The following NAT10 variants were observed in gnomAD, a reference collection of about 807,000 sequenced individuals.
NAT10 encodes the protein RNA cytidine acetyltransferase.
NAT10 carries 109 observed loss-of-function variants against 132.2 expected under a neutral mutation model. The observed-to-expected ratio is 0.82, with a 90% CI of 0.71 to 0.97. The LOEUF (loss-of-function observed/expected upper bound fraction) is 0.97, where lower values mean the gene tolerates loss of function less well. Ranked by LOEUF, NAT10 falls within the 50% of genes least tolerant of loss-of-function variation. The pLI is 0.00. For missense variants in NAT10, 1,184 were observed against 1,263.4 expected (o/e 0.94, Z 0.95); for synonymous variants, 479 against 478.0 (o/e 1.00, Z -0.03).
intron 27 of NAT10, 73 bp downstream of exon 27, chr11:34,142,421 A>G: frequency 7.5e-7 from 1 of 1,328,738 alleles, no homozygotes; most frequent in Non-Finnish European, 1.1e-6. Context: ...CGTTTCTTCT[A>G]ATCATATCCC....
chr11:34,115,860 A>C lies in NAT10; in HGVS notation c.533A>C (p.Asp178Ala). 1 of 1,614,082 alleles carries C rather than the reference A, an allele frequency of 6.2e-7. No individual in the cohort carries two copies. The highest frequency in any genetic ancestry group is 8.5e-7 in the Non-Finnish European group (1 of 1,179,984). Reference protein sequence around the residue: ...HSRYRTEAHQDVVGRFNERFI... With the variant: ...HSRYRTEAHQAVVGRFNERFI... The stretch of plus-strand genomic sequence containing the variant: ...AGGTACAGAACTGAGGCCCATCAGG[A>C]TGTGGTGGGAAGATTTAATGAAAGG... Residue 178 changes from aspartate (D) to alanine (A), a missense_variant, in exon 6 of 29, where the codon GAT (aspartate) becomes GCT (alanine). Coordinates refer to ENST00000257829, the MANE Select transcript of NAT10 (RefSeq NM_024662.3).
chr11:34,125,368 C>A (rs1378564947), intron 11 of NAT10, among the ~76,000 whole-genome samples: 1 of 152,120 alleles, frequency 6.6e-6, no homozygotes, highest in African/African-American at 2.4e-5. Flanking sequence ...CCTGAAATAC[C>A]CTGCCTCGGG....
chr11:34,128,447 C>T (rs1187225555), intron 12 of NAT10, among the ~76,000 whole-genome samples: 1 of 151,410 alleles, frequency 6.6e-6, no homozygotes, highest in African/African-American at 2.4e-5. Flanking sequence ...ATTTTCTCTG[C>T]ATTTATTTTA....
chr11:34,140,887 A>G (rs1852314874), intron 24 of NAT10, among the ~76,000 whole-genome samples: 2 of 152,004 alleles, frequency 1.3e-5, no homozygotes, highest in Non-Finnish European at 2.9e-5. Flanking sequence ...TTGTCAGGAT[A>G]AAAGTTACTT....
Position 34,112,037 on chromosome 11 carries a change from G to T in NAT10, c.201-15G>T. 1 of 1,613,884 alleles carries T rather than the reference G, an allele frequency of 6.2e-7. No homozygotes were observed. The highest frequency in any genetic ancestry group is 1.1e-5 in the South Asian group (1 of 91,052). ...GTTAACTGGCTCTCATGGGATTGGG[G>T]GTGTGTGATTGCAGTCACCGGAAGA... is the stretch of plus-strand genomic sequence containing the variant. On this transcript the variant is annotated splice_polypyrimidine_tract_variant and intron_variant, in intron 3 of 28. Transcript: ENST00000257829.
Position 34,138,083 on chromosome 11 carries a change from G to T in NAT10, c.2211+1057G>T, listed in dbSNP as rs115486208. ...GATGGGCGCTAAAGAAGGATTGTCC[G>T]ATGGGAGATTCTAGAGAATGTTTTT... On this transcript the variant is annotated intron_variant, in intron 21 of 28. Coordinates refer to ENST00000257829, the MANE Select transcript of NAT10 (RefSeq NM_024662.3). 5.6e-3 allele frequency among the ~76,000 whole-genome samples: 852 copies of T among 152,322 alleles called. 10 individuals carry two copies. The highest frequency in any genetic ancestry group is 0.019 in the African/African-American group (792 of 41,570).
At chr11:34,142,551 C>A (rs926210434) in intron 27 of NAT10, among the ~76,000 whole-genome samples, 1 of 152,164 alleles carries the variant, frequency 6.6e-6, no homozygotes, top group African/African-American at 2.4e-5. Flanking sequence ...ACTAGTGCCG[C>A]CACTTTGACT....
At chr11:34,119,982 G>A (rs1416253273) in intron 8 of NAT10, among the ~76,000 whole-genome samples, 1 of 152,164 alleles carries the variant, frequency 6.6e-6, no homozygotes, top group East Asian at 1.9e-4. Context: ...CTACACCCTC[G>A]CAGCCGTGAT....
At chr11:34,132,029 C>G (rs1158548098) in intron 14 of NAT10, 96 bp from the exon 15 acceptor site, 6 of 903,714 alleles carry the variant, frequency 6.6e-6, no homozygotes, top group Admixed American at 3.4e-5. Context: ...CACTGAGCTC[C>G]TGTTCCCAGC....
At chr11:34,109,000 A>C (rs1318679236) in intron 3 of NAT10, among the ~76,000 whole-genome samples, 167 bp downstream of exon 3, 2 of 152,214 alleles carry the variant, frequency 1.3e-5, no homozygotes, top group African/African-American at 4.8e-5. Context: ...ATAAGTTTCA[A>C]ATCATTTTCA....
chr11:34,123,179 A>C (rs769949355), intron 9 of NAT10, among the ~76,000 whole-genome samples: 4 of 152,156 alleles, frequency 2.6e-5, no homozygotes, highest in Admixed American at 6.5e-5. Flanking sequence ...TGGGCATTTT[A>C]TAGATGAATC....
intron 11 of NAT10, among the ~76,000 whole-genome samples, chr11:34,126,489 T>G (rs1225141327): frequency 6.6e-6 from 1 of 152,262 alleles, no homozygotes; most frequent in Non-Finnish European, 1.5e-5. Flanking sequence ...TATATTTACA[T>G]GTATGTTTCT....
chr11:34,143,617 T>G, intron 28 of NAT10, 89 bp downstream of exon 28: 1 of 1,249,554 alleles, frequency 8.0e-7, no homozygotes, highest in Non-Finnish European at 1.1e-6. Flanking sequence ...AATAGGAGGT[T>G]GGAGCAAAAG....
intron 27 of NAT10, among the ~76,000 whole-genome samples, chr11:34,143,085 G>A (rs987058420): frequency 2.0e-5 from 3 of 152,214 alleles, no homozygotes; most frequent in African/African-American, 7.2e-5. Context: ...CTTGGAGGTG[G>A]GAGTGAGTGA....
chr11:34,118,340 C>T, intron 7 of NAT10, 46 bp downstream of exon 7: 1 of 1,611,154 alleles, frequency 6.2e-7, no homozygotes, highest in Non-Finnish European at 8.5e-7. Flanking sequence ...GCTACGTTTT[C>T]TGTGTTGTTC....
At chr11:34,133,651 T>G (rs556710501) in intron 16 of NAT10, among the ~76,000 whole-genome samples, 25 of 152,346 alleles carry the variant, frequency 1.6e-4, no homozygotes, top group African/African-American at 5.5e-4. Flanking sequence ...CATGATTTGT[T>G]CAACCATTCA....
chr11:34,138,791 G>A (rs1340357194), intron 21 of NAT10: 1 of 169,362 alleles, frequency 5.9e-6, no homozygotes, highest in African/African-American at 2.4e-5. Context: ...TGGCCCTGGA[G>A]TTCCTGCTGT....
At chr11:34,124,856 C>T (rs150831211) in intron 11 of NAT10, among the ~76,000 whole-genome samples, 145 of 151,074 alleles carry the variant, frequency 9.6e-4, no homozygotes, top group African/African-American at 3.3e-3. Context: ...CAGTGTTTTC[C>T]CAAAAGTTCT....
intron 12 of NAT10, among the ~76,000 whole-genome samples, chr11:34,128,325 G>T (rs1201336107): frequency 6.7e-6 from 1 of 148,362 alleles, no homozygotes; most frequent in Non-Finnish European, 1.5e-5. Context: ...CTGCTCTCCA[G>T]TCTGGGCGAC....
Sources: gnomAD v4.1 joint callset for allele counts (sites outside exome capture counted in the v4.1 genomes callset) on GRCh38, gnomAD v4.1.1 for gene constraint, MANE v1.5 for transcripts, NCBI Gene and HGNC (gene_info 2026-07-23, HGNC 2026-07-21) for gene names.